Variants in CADM2 observed in about 807,000 individuals in gnomAD.
The protein encoded by CADM2 is cell adhesion molecule 2.
Under a neutral mutation model 49.8 loss-of-function variants are expected in CADM2, and 12 were observed. The observed-to-expected ratio is 0.24, with a 90% CI of 0.15 to 0.39. The LOEUF is 0.39. CADM2 is among the 10% of genes least tolerant of loss of function. CADM2 has a pLI of 1.00. For synonymous variants in CADM2, 214 were observed against 175.4 expected, an observed-to-expected ratio of 1.22 and a Z score of -1.74; for missense variants, 378 against 492.3, an observed-to-expected ratio of 0.77 and a Z score of 2.20.
intron 5 of CADM2, among the ~76,000 whole-genome samples, chr3:85,891,365 A>G (rs141959451): frequency 9.3e-4 from 142 of 152,318 alleles, no homozygotes; most frequent in African/African-American, 3.2e-3. Context: ...CTACCTAACT[A>G]GCTTTTACAT....
chr3:85,076,986 A>G (rs1214975339), intron 1 of CADM2, among the ~76,000 whole-genome samples: 1 of 152,060 alleles, frequency 6.6e-6, no homozygotes, highest in Admixed American at 6.6e-5. Flanking sequence ...TAGTAATAAC[A>G]ATAATAATAA....
intron 1 of CADM2, among the ~76,000 whole-genome samples, chr3:85,436,365 C>G (rs144939201): frequency 0.053 from 8,081 of 152,148 alleles, 349 homozygotes; most frequent in Non-Finnish European, 0.071. Flanking sequence ...ATGTCATCTG[C>G]AAACAGAGAC....
chr3:85,545,764 T>G (rs1403036254), intron 1 of CADM2, among the ~76,000 whole-genome samples: 1 of 152,170 alleles, frequency 6.6e-6, no homozygotes, highest in Non-Finnish European at 1.5e-5. Flanking sequence ...TCTGGCACTT[T>G]CCAAGGCATA....
At chr3:85,573,157 TTTTATTTATTTATTTATTTATTTATTTA>T (rs34809115) in intron 1 of CADM2, among the ~76,000 whole-genome samples, 9 of 139,540 alleles carry the variant, frequency 6.4e-5, no homozygotes, top group African/African-American at 8.2e-5. Context: ...AACGTGCTTA[TTTTATTTATTTATTTATTTATTTATTTA>T]TTTATTTATT....
At chr3:85,343,599 A>C (rs1328812134) in intron 1 of CADM2, among the ~76,000 whole-genome samples, 1 of 152,208 alleles carries the variant, frequency 6.6e-6, no homozygotes, top group African/African-American at 2.4e-5. Context: ...CTCTGTTTCT[A>C]TTCTGCTTCA....
chr3:85,867,315 T>A (rs1383355465), intron 3 of CADM2, among the ~76,000 whole-genome samples: 1 of 152,032 alleles, frequency 6.6e-6, no homozygotes, highest in Non-Finnish European at 1.5e-5. Flanking sequence ...CAAAACAGTA[T>A]TATGTCATCA....
At position 85,321,112 on chromosome 3, in the gene CADM2, ATATATTTTTTTTTTTTTTTTTTTTTTT is replaced by A. The variant is rs1559777976; in HGVS notation, c.61+361446_61+361472del. 2.3e-3 allele frequency among the ~76,000 whole-genome samples: 84 copies of A among 35,862 alleles called. 3 individuals carry two copies. The highest frequency in any genetic ancestry group is 7.3e-3 in the African/African-American group (79 of 10,880). The allele number at this position is 35,862 out of a possible 152,430, so 23.5% of individuals were successfully genotyped here. On this transcript the variant is annotated intron_variant, in intron 1 of 9. Transcript: ENST00000383699. ...TATACATATATATATATATATATAT[ATATATTTTTTTTTTTTTTTTTTTTTTT>A]TTTTTTTTTTTTTTTTTTTTTTTTT...
At chr3:85,499,622 A>C (rs1386970522) in intron 1 of CADM2, among the ~76,000 whole-genome samples, 1 of 151,944 alleles carries the variant, frequency 6.6e-6, no homozygotes, top group Non-Finnish European at 1.5e-5. Context: ...TTTCATTTTA[A>C]TACTTCTTAT....
At chr3:85,691,480 T>A (rs1305364991) in intron 1 of CADM2, among the ~76,000 whole-genome samples, 2 of 152,180 alleles carry the variant, frequency 1.3e-5, no homozygotes, top group Admixed American at 1.3e-4. Context: ...AACTACCCTA[T>A]AGGGTACATT....
chr3:85,607,154 A>T (rs1385117997), intron 1 of CADM2, among the ~76,000 whole-genome samples: 1 of 152,206 alleles, frequency 6.6e-6, no homozygotes, highest in Non-Finnish European at 1.5e-5. Flanking sequence ...GTTTAAGAAG[A>T]TGAAGACATT....
At chr3:84,974,886 G>T (rs139181722) in intron 1 of CADM2, among the ~76,000 whole-genome samples, 193 of 151,654 alleles carry the variant, frequency 1.3e-3, no homozygotes, top group African/African-American at 4.1e-3. Context: ...CCAAATCTTT[G>T]ATTATTATTA....
chr3:85,838,742 A>C (rs2074510835), intron 3 of CADM2, among the ~76,000 whole-genome samples: 1 of 151,744 alleles, frequency 6.6e-6, no homozygotes, highest in Non-Finnish European at 1.5e-5. Flanking sequence ...TTTTATATTT[A>C]TACAATATAT....
At chr3:85,190,155 C>CA (rs971856876) in intron 1 of CADM2, among the ~76,000 whole-genome samples, 30 of 151,802 alleles carry the variant, frequency 2.0e-4, no homozygotes, top group African/African-American at 7.0e-4. Context: ...AGACCACACT[C>CA]AAAAAATGAG....
intron 2 of CADM2, among the ~76,000 whole-genome samples, chr3:85,729,431 G>A (rs1217724320): frequency 6.6e-6 from 1 of 152,104 alleles, no homozygotes; most frequent in East Asian, 1.9e-4. Context: ...TGCCTGTCAA[G>A]AGGAACATAA....
intron 1 of CADM2, among the ~76,000 whole-genome samples, chr3:85,707,943 A>G (rs2067001169): frequency 6.6e-6 from 1 of 152,140 alleles, no homozygotes. Flanking sequence ...GAGCTTATCT[A>G]TTTTACAAAA....
At chr3:85,967,589 T>C (rs937805198) in intron 8 of CADM2, among the ~76,000 whole-genome samples, 2 of 151,648 alleles carry the variant, frequency 1.3e-5, no homozygotes, top group African/African-American at 4.8e-5. Flanking sequence ...CTCTCATGTA[T>C]TCATGTCATG....
intron 1 of CADM2, among the ~76,000 whole-genome samples, chr3:85,046,615 G>A (rs9284802): frequency 0.44 from 67,340 of 151,468 alleles, 17,527 homozygotes; most frequent in Non-Finnish European, 0.6. Context: ...ATAATTTTAG[G>A]ATAACATCTT....
intron 5 of CADM2, among the ~76,000 whole-genome samples, chr3:85,901,272 T>C (rs985802333): frequency 9.9e-5 from 15 of 152,204 alleles, no homozygotes; most frequent in African/African-American, 3.4e-4. Context: ...TATGATCAAA[T>C]TGATGTCTTA....
At chr3:85,231,921 G>A (rs1477127067) in intron 1 of CADM2, among the ~76,000 whole-genome samples, 3 of 151,314 alleles carry the variant, frequency 2.0e-5, no homozygotes, top group African/African-American at 7.3e-5. Context: ...CACCATGTTG[G>A]TCAGGCTGGT....
Sources: gnomAD v4.1 joint callset for allele counts (sites outside exome capture counted in the v4.1 genomes callset) on GRCh38, gnomAD v4.1.1 for gene constraint, MANE v1.5 for transcripts, NCBI Gene and HGNC (gene_info 2026-07-23, HGNC 2026-07-21) for gene names.